The following OLFML2A variants were observed in gnomAD, a reference collection of about 807,000 sequenced individuals.
The protein encoded by OLFML2A is olfactomedin-like protein 2A.
Under a neutral mutation model 60.9 loss-of-function variants are expected in OLFML2A, and 47 were observed. The ratio of observed to expected loss-of-function variants is 0.77; its 90% confidence interval spans 0.61 to 0.98. OLFML2A has a LOEUF of 0.98. OLFML2A is among the 50% of genes least tolerant of loss of function. OLFML2A has a pLI of 0.00. For missense variants in OLFML2A, 922 were observed against 879.8 expected, an observed-to-expected ratio of 1.05 and a Z score of -0.61; for synonymous variants, 372 against 375.0, an observed-to-expected ratio of 0.99 and a Z score of 0.09.
In OLFML2A at chr9:124,795,441, A is replaced by G. The variant is rs146161473; in HGVS notation, c.462+310A>G. Among the ~76,000 whole-genome samples, 1,253 of 152,310 alleles carry G rather than the reference A, an allele frequency of 8.2e-3. 5 individuals carry two copies. Among genetic ancestry groups the G allele is most frequent in the Non-Finnish European group, 0.014 (941 of 68,010 alleles). On this transcript the variant is annotated intron_variant, in intron 3 of 7. Transcript: ENST00000373580. ...CAGTGCACCAAGATCAGGACCCACA[A>G]TTCTGGGGGTACCATTCGCACAAGA... is the stretch of plus-strand genomic sequence containing the variant.
chr9:124,782,476 A>G (rs530363441), intron 1 of OLFML2A, among the ~76,000 whole-genome samples: 2 of 152,322 alleles, frequency 1.3e-5, no homozygotes, highest in East Asian at 3.9e-4. Flanking sequence ...CAGACTCACC[A>G]TGAGCTTATG....
chr9:124,809,001 T>TA lies in OLFML2A; in HGVS notation c.1355-791dup, dbSNP rs112598711. On this transcript the variant is annotated intron_variant, in intron 7 of 7. Transcript: ENST00000373580. ...TGAAACCCCGTCTCTACTAAAAAAT[T>TA]AAAAAAAAAAAAAAAATTAGCTGGG... Among the ~76,000 whole-genome samples the TA allele has an allele frequency of 5.9e-3, 823 of 140,150 alleles. 5 individuals are homozygous for TA. The highest frequency in any genetic ancestry group is 0.018 in the Middle Eastern group (5 of 274). 91.9% of individuals were successfully genotyped at this position (140,150 alleles called of 152,430 possible). A position where few individuals can be genotyped will look rare whatever the true frequency, so the allele number is the denominator to read the frequency against.
chr9:124,795,277 G>A, intron 3 of OLFML2A, 146 bp downstream of exon 3: 2 of 573,276 alleles, frequency 3.5e-6, no homozygotes, highest in Non-Finnish European at 6.5e-6. Flanking sequence ...GGGAAATGCA[G>A]GCCACAGGGT....
chr9:124,806,937 G>A (rs553261124), intron 6 of OLFML2A, among the ~76,000 whole-genome samples: 5 of 150,538 alleles, frequency 3.3e-5, no homozygotes, highest in Admixed American at 6.7e-5. Flanking sequence ...TTTTTGAGGC[G>A]GTGTCTTGCT....
At chr9:124,795,810 G>A (rs1421937338) in intron 3 of OLFML2A, among the ~76,000 whole-genome samples, 1 of 152,198 alleles carries the variant, frequency 6.6e-6, no homozygotes, top group African/African-American at 2.4e-5. Flanking sequence ...CCCTGGGTTG[G>A]TAAAACATGG....
At chr9:124,787,919 G>C (rs1296057836) in intron 2 of OLFML2A, among the ~76,000 whole-genome samples, 1 of 152,052 alleles carries the variant, frequency 6.6e-6, no homozygotes, top group Non-Finnish European at 1.5e-5. Context: ...TTAGAGGTGA[G>C]AAAACCAAGG....
At chr9:124,788,754 C>G (rs905579980) in intron 2 of OLFML2A, among the ~76,000 whole-genome samples, 1 of 150,462 alleles carries the variant, frequency 6.6e-6, no homozygotes, top group African/African-American at 2.5e-5. Flanking sequence ...GATCTCAGTC[C>G]CCACAGCCAG....
At chr9:124,784,191 T>C (rs1288055541) in intron 1 of OLFML2A, among the ~76,000 whole-genome samples, 1 of 151,978 alleles carries the variant, frequency 6.6e-6, no homozygotes, top group Non-Finnish European at 1.5e-5. Context: ...GGTAGTTTTT[T>C]TCTTTTTTTT....
chr9:124,801,276 G>A lies in OLFML2A; in HGVS notation c.670-138G>A, dbSNP rs576241899. On this transcript the variant is annotated intron_variant, in intron 4 of 7. Transcript: ENST00000373580. ...AGCCACCATGGTGGGGTAAAGGAAA[G>A]CTGTGACTTTGTGAGTGCTTGGGAC... is the stretch of plus-strand genomic sequence containing the variant. 4.1e-6 allele frequency: 4 copies of A among 987,526 alleles called. No individual in the cohort carries two copies. In the Admixed American group the frequency reaches 7.1e-5, roughly 18 times the overall value. 61.2% of individuals were successfully genotyped at this position (987,526 alleles called of 1,614,324 possible). A position where few individuals can be genotyped will look rare whatever the true frequency, so the allele number is the denominator to read the frequency against.
chr9:124,810,332 G>A lies in OLFML2A; in HGVS notation c.1879G>A (p.Asp627Asn), dbSNP rs149771487. 3.1e-6 allele frequency: 5 copies of A among 1,605,912 alleles called. No individual in the cohort carries two copies. Among genetic ancestry groups the A allele is most frequent in the East Asian group, 2.2e-5 (1 of 44,872 alleles). Reference protein sequence around the residue: ...LNEHAYTTQIDYNPKERVLYA... With the variant: ...LNEHAYTTQINYNPKERVLYA... Reference sequence around the variant, plus strand: ...CGAGCACGCCTACACCACCCAGATCGACTACAACCCCAAGGAGCGGGTGCT... The same window carrying A: ...CGAGCACGCCTACACCACCCAGATCAACTACAACCCCAAGGAGCGGGTGCT... The change falls in exon 8 of 8, where the codon GAC (aspartate) becomes AAC (asparagine). Residue 627 changes from aspartate (D) to asparagine (N), a missense_variant. Coordinates refer to ENST00000373580, the MANE Select transcript of OLFML2A (RefSeq NM_182487.4).
At chr9:124,792,639 T>C (rs1489577166) in intron 2 of OLFML2A, among the ~76,000 whole-genome samples, 2 of 151,934 alleles carry the variant, frequency 1.3e-5, no homozygotes, top group East Asian at 3.9e-4. Context: ...ACACAGAGGG[T>C]CATCTCGCAA....
chr9:124,800,731 C>T (rs1050673193), intron 4 of OLFML2A: 3 of 844,722 alleles, frequency 3.6e-6, no homozygotes, highest in Non-Finnish European at 3.2e-6. Flanking sequence ...GCAGAAGGCA[C>T]CCAGCTACTG....
At chr9:124,800,917 G>C in intron 4 of OLFML2A, 1 of 1,541,008 alleles carries the variant, frequency 6.5e-7, no homozygotes. Flanking sequence ...CAGTTTGCCT[G>C]GGACTTGAGG....
At position 124,814,708 on chromosome 9, in the gene OLFML2A, A is replaced by G. The variant is rs1340963875; in HGVS notation, c.*4296A>G. 1 of 151,808 alleles carries G rather than the reference A, an allele frequency of 6.6e-6. No individual in the cohort carries two copies. The highest frequency in any genetic ancestry group is 1.9e-4 in the East Asian group (1 of 5,186). 9.4% of individuals were successfully genotyped at this position (151,808 alleles called of 1,614,324 possible). A position where few individuals can be genotyped will look rare whatever the true frequency, so the allele number is the denominator to read the frequency against. Reference sequence around the variant, plus strand: ...CAAATTCGAGACCCTTTTTTTTCCAATTGTGCTGAGTCTCCTACTAGACTC... The same window carrying G: ...CAAATTCGAGACCCTTTTTTTTCCAGTTGTGCTGAGTCTCCTACTAGACTC... On this transcript the variant is annotated 3_prime_UTR_variant, in exon 8 of 8. Coordinates refer to ENST00000373580, the MANE Select transcript of OLFML2A (RefSeq NM_182487.4).
In OLFML2A at chr9:124,784,943, G is replaced by GTTTTTTTTGTTTTTTTTTTTTTTTTTT. The variant is rs1841429970; in HGVS notation, c.91-2024_91-2023insGTTTTTTTTTTTTTTTTTTTTTTTTTT. 7.2e-5 allele frequency among the ~76,000 whole-genome samples: 5 copies of GTTTTTTTTGTTTTTTTTTTTTTTTTTT among 69,542 alleles called. 2 individuals carry two copies. Among genetic ancestry groups the GTTTTTTTTGTTTTTTTTTTTTTTTTTT allele is most frequent in the Admixed American group, 4.1e-4 (2 of 4,880 alleles). 45.6% of individuals were successfully genotyped at this position (69,542 alleles called of 152,430 possible). On this transcript the variant is annotated intron_variant, in intron 1 of 7. Coordinates refer to ENST00000373580, the MANE Select transcript of OLFML2A (RefSeq NM_182487.4). ...AATCAGTACTGCATTCCTTTTACTTGTTTTTTTTTTTTTTTTTTTTTTTTT... is the reference window on the plus strand; with the variant it reads ...AATCAGTACTGCATTCCTTTTACTTGTTTTTTTTGTTTTTTTTTTTTTTTTTTTTTTTTTTTTTTTTTTTTTTTTTTT...
At chr9:124,785,485 C>T (rs537062870) in intron 1 of OLFML2A, among the ~76,000 whole-genome samples, 282 of 149,318 alleles carry the variant, frequency 1.9e-3, no homozygotes, top group African/African-American at 6.9e-3. Flanking sequence ...GCAAGCTCTG[C>T]CTCCCGGGTT....
chr9:124,789,801 CA>C (rs1181981940), intron 2 of OLFML2A, among the ~76,000 whole-genome samples: 1 of 152,168 alleles, frequency 6.6e-6, no homozygotes, highest in Non-Finnish European at 1.5e-5. Flanking sequence ...GGTGGGGAGT[CA>C]GGGGGAATGA....
chr9:124,790,263 C>G (rs1190471038), intron 2 of OLFML2A, among the ~76,000 whole-genome samples: 2 of 152,060 alleles, frequency 1.3e-5, no homozygotes, highest in Non-Finnish European at 2.9e-5. Context: ...CACCCGGCTC[C>G]CCCTTTCAAG....
chr9:124,809,151 A>C (rs1841954550), intron 7 of OLFML2A, among the ~76,000 whole-genome samples: 1 of 152,110 alleles, frequency 6.6e-6, no homozygotes, highest in Non-Finnish European at 1.5e-5. Flanking sequence ...TGGATGACAG[A>C]GAGAGACTCT....
Sources: gnomAD v4.1 joint callset for allele counts (sites outside exome capture counted in the v4.1 genomes callset) on GRCh38, gnomAD v4.1.1 for gene constraint, MANE v1.5 for transcripts, NCBI Gene and HGNC (gene_info 2026-07-23, HGNC 2026-07-21) for gene names.